The following ROBO1 variants were observed in gnomAD, a reference collection of about 807,000 sequenced individuals.
The protein encoded by ROBO1 is roundabout homolog 1.
A neutral mutation model predicts 195.9 loss-of-function variants in ROBO1; 149 were observed. The observed-to-expected ratio is 0.76, with a 90% confidence interval of 0.67 to 0.87. ROBO1 has a LOEUF of 0.87. ROBO1 is among the 40% of genes least tolerant of loss of function. The pLI, the probability that ROBO1 is intolerant of heterozygous loss-of-function variation, is 0.00. For missense variants in ROBO1, 1,933 were observed against 2,068.3 expected (o/e 0.93, Z 1.27); for synonymous variants, 816 against 733.2 (o/e 1.11, Z -1.82).
intron 2 of ROBO1, among the ~76,000 whole-genome samples, chr3:79,503,186 C>T (rs1307363735): frequency 2.0e-5 from 3 of 152,058 alleles, no homozygotes; most frequent in African/African-American, 7.2e-5. Flanking sequence ...CTGAAGCCAG[C>T]GAGACTACGA....
At chr3:79,679,000 C>G (rs150074714) in intron 1 of ROBO1, among the ~76,000 whole-genome samples, 1 of 151,566 alleles carries the variant, frequency 6.6e-6, no homozygotes, top group Non-Finnish European at 1.5e-5. Flanking sequence ...TTTTTAATTA[C>G]GCAAATAATG....
At chr3:78,832,630 A>C (rs781478793) in intron 4 of ROBO1, among the ~76,000 whole-genome samples, 5 of 152,224 alleles carry the variant, frequency 3.3e-5, no homozygotes, top group Non-Finnish European at 7.3e-5. Flanking sequence ...CTGTTTTGCC[A>C]CACAAAACTG....
intron 2 of ROBO1, among the ~76,000 whole-genome samples, chr3:79,330,117 T>C (rs1056930789): frequency 1.3e-5 from 2 of 151,664 alleles, no homozygotes; most frequent in Non-Finnish European, 2.9e-5. Context: ...ATTCTAAAAT[T>C]TTCTCACTGT....
chr3:79,321,846 G>C (rs2033994420), intron 2 of ROBO1, among the ~76,000 whole-genome samples: 1 of 152,044 alleles, frequency 6.6e-6, no homozygotes, highest in African/African-American at 2.4e-5. Context: ...ACATAACTTG[G>C]GTATAATATG....
chr3:79,571,079 A>T (rs1270011368), intron 2 of ROBO1, among the ~76,000 whole-genome samples: 1 of 152,142 alleles, frequency 6.6e-6, no homozygotes, highest in Non-Finnish European at 1.5e-5. Context: ...GAGCTGGGTG[A>T]TAATGGTTTT....
At chr3:78,718,190 A>T (rs2081949690) in intron 5 of ROBO1, among the ~76,000 whole-genome samples, 1 of 152,228 alleles carries the variant, frequency 6.6e-6, no homozygotes, top group African/African-American at 2.4e-5. Flanking sequence ...TAAGTGAAAA[A>T]CCATAAAAAA....
intron 1 of ROBO1, among the ~76,000 whole-genome samples, chr3:79,733,379 G>GA (rs1458223955): frequency 6.6e-6 from 1 of 152,120 alleles, no homozygotes; most frequent in Admixed American, 6.5e-5. Context: ...TAGGATATAG[G>GA]ATGACAACAT....
intron 4 of ROBO1, among the ~76,000 whole-genome samples, chr3:78,864,490 A>C (rs73851604): frequency 0.013 from 1,988 of 152,302 alleles, 46 homozygotes; most frequent in African/African-American, 0.043. Context: ...GGAATAAAGA[A>C]GGCATTACTT....
chr3:79,622,496 G>T (rs1487818617), intron 1 of ROBO1, among the ~76,000 whole-genome samples: 1 of 152,212 alleles, frequency 6.6e-6, no homozygotes, highest in Non-Finnish European at 1.5e-5. Flanking sequence ...TTCCCCTGCT[G>T]GAGCCAGGAA....
chr3:78,923,250 T>C (rs2039041713), intron 4 of ROBO1, among the ~76,000 whole-genome samples: 1 of 152,140 alleles, frequency 6.6e-6, no homozygotes, highest in African/African-American at 2.4e-5. Context: ...CAGGTACTGT[T>C]CTAGATCAGC....
Position 79,356,248 on chromosome 3 carries a change from C to A in ROBO1, c.89-230709G>T, listed in dbSNP as rs188451330. ...CCCAGCTACTCAGGAGACTGAGGCA[C>A]AAGAATCATCCAAACCTGGGAGGTG... On this transcript the variant is annotated intron_variant, in intron 2 of 30. Coordinates refer to ENST00000464233, the MANE Select transcript of ROBO1 (RefSeq NM_002941.4). Among the ~76,000 whole-genome samples the A allele has an allele frequency of 3.1e-3, 478 of 152,194 alleles. 3 individuals are homozygous for A. The highest frequency in any genetic ancestry group is 0.011 in the African/African-American group (451 of 41,544).
chr3:79,345,380 C>T (rs537591820), intron 2 of ROBO1, among the ~76,000 whole-genome samples: 16 of 152,210 alleles, frequency 1.1e-4, no homozygotes, highest in African/African-American at 2.2e-4. Context: ...GCAATTGACA[C>T]GTGACTCAGT....
intron 2 of ROBO1, among the ~76,000 whole-genome samples, chr3:79,461,851 T>C (rs1047989095): frequency 6.6e-6 from 1 of 152,108 alleles, no homozygotes; most frequent in African/African-American, 2.4e-5. Flanking sequence ...AGGAAATGTT[T>C]CCAGAGGCAT....
chr3:79,175,302 T>G (rs553590654), intron 2 of ROBO1, among the ~76,000 whole-genome samples: 1 of 152,246 alleles, frequency 6.6e-6, no homozygotes, highest in South Asian at 2.1e-4. Flanking sequence ...AATCCTCAGT[T>G]ACTTTTACTT....
At chr3:79,765,136 T>A (rs1466612159) in intron 1 of ROBO1, among the ~76,000 whole-genome samples, 1 of 152,236 alleles carries the variant, frequency 6.6e-6, no homozygotes, top group Non-Finnish European at 1.5e-5. Context: ...ACCAGGGATC[T>A]GCAGCTGTGT....
intron 2 of ROBO1, among the ~76,000 whole-genome samples, chr3:79,252,041 C>A (rs2082739663): frequency 6.6e-6 from 1 of 151,704 alleles, no homozygotes; most frequent in South Asian, 2.1e-4. Flanking sequence ...AAAAGAACAA[C>A]CAATATGTTG....
rs1256368709 is a variant in ROBO1, at chr3:78,631,176, ATGT to A, written c.3608_3610del (p.Asn1203del). On this transcript the variant is annotated inframe_deletion, in exon 25 of 31. Transcript: ENST00000464233. ...CTCCTCTTACCTTTCATCTACAGAA[ATGT>A]TGTACTCTTCGCTATTGCTGTGTGG... 6 of 1,611,932 alleles carry A rather than the reference ATGT, an allele frequency of 3.7e-6. No individual in the cohort carries two copies. Among genetic ancestry groups the A allele is most frequent in the South Asian group, 1.1e-5 (1 of 90,690 alleles).
chr3:79,359,268 C>T (rs759299886), intron 2 of ROBO1, among the ~76,000 whole-genome samples: 2 of 151,744 alleles, frequency 1.3e-5, no homozygotes, highest in African/African-American at 4.8e-5. Context: ...TGATAAACAT[C>T]AAAAACATAC....
intron 3 of ROBO1, among the ~76,000 whole-genome samples, chr3:79,075,658 C>T (rs1238012487): frequency 1.3e-5 from 2 of 151,764 alleles, no homozygotes; most frequent in Non-Finnish European, 2.9e-5. Context: ...TGTTTAAAGA[C>T]TATTTTAGAT....
Sources: gnomAD v4.1 joint callset for allele counts (sites outside exome capture counted in the v4.1 genomes callset) on GRCh38, gnomAD v4.1.1 for gene constraint, MANE v1.5 for transcripts, NCBI Gene and HGNC (gene_info 2026-07-23, HGNC 2026-07-21) for gene names.